TPCN1: variants seen among roughly 807,000 people sequenced by gnomAD.
The protein encoded by TPCN1 is two pore segment channel 1.
Under a neutral mutation model 108.8 loss-of-function variants are expected in TPCN1, and 52 were observed. The observed-to-expected ratio is 0.48, with a 90% CI of 0.38 to 0.60. The LOEUF (loss-of-function observed/expected upper bound fraction) is 0.60, where lower values mean the gene tolerates loss of function less well. Among genes scored for constraint, TPCN1 ranks in the 20% least tolerant of loss-of-function variants. The pLI is 0.00. For missense variants in TPCN1, 806 were observed against 1,072.8 expected (o/e 0.75, Z 3.47); for synonymous variants, 446 against 433.7 (o/e 1.03, Z -0.35).
intron 27 of TPCN1, 65 bp from the exon 28 acceptor site, chr12:113,295,895 T>C: frequency 6.7e-7 from 1 of 1,489,432 alleles, no homozygotes; most frequent in Non-Finnish European, 9.0e-7. Flanking sequence ...CTGTGTGACC[T>C]TGTGGGGTGG....
At chr12:113,236,672 G>C (rs1290875168) in intron 2 of TPCN1, among the ~76,000 whole-genome samples, 1 of 152,036 alleles carries the variant, frequency 6.6e-6, no homozygotes, top group Non-Finnish European at 1.5e-5. Context: ...CCTGGACGGG[G>C]CCAGAGACTA....
At chr12:113,249,754 C>G (rs920979014) in intron 2 of TPCN1, 1 of 152,374 alleles carries the variant, frequency 6.6e-6, no homozygotes, top group African/African-American at 2.4e-5. Flanking sequence ...GCTCTGGTTC[C>G]TGGATGGTTC....
rs184184323 is a variant in TPCN1 at position 113,288,729 on chromosome 12, C to T, written c.1707-29C>T. 5,024 of 1,609,156 alleles carry T rather than the reference C, an allele frequency of 3.1e-3. 17 individuals carry two copies. Among genetic ancestry groups the T allele is most frequent in the Non-Finnish European group, 3.9e-3 (4,634 of 1,179,596 alleles). On this transcript the variant is annotated intron_variant, in intron 20 of 27. Transcript: ENST00000335509. This position sits in a 1 kb window ranked among gnomAD's most constrained non-coding sequence, Gnocchi z 4.8. ...AGGAGCCGTTCCCTCCTGCCGGCCC[C>T]GCGTCACCCTGCCCCTGTCGCCCCA...
chr12:113,242,491 GATA>G (rs1461041131), intron 2 of TPCN1, among the ~76,000 whole-genome samples: 1 of 152,200 alleles, frequency 6.6e-6, no homozygotes, highest in Non-Finnish European at 1.5e-5. Flanking sequence ...GTAAACTGGG[GATA>G]ATAATCAAGT....
intron 10 of TPCN1, among the ~76,000 whole-genome samples, chr12:113,276,220 G>A (rs1435873961): frequency 2.0e-5 from 3 of 152,306 alleles, no homozygotes; most frequent in East Asian, 3.9e-4. Context: ...GGAAAAAATG[G>A]GGGACCAGTT....
At position 113,266,453 on chromosome 12, in the gene TPCN1, T is replaced by G; in HGVS notation, c.414+97T>G. On this transcript the variant is annotated intron_variant, in intron 4 of 27. Transcript: ENST00000335509. The surrounding 1 kb of genome is among the most constrained non-coding windows in gnomAD (Gnocchi z 4.2). ...AGGAACATTCTGGGAGGGCAAACAC[T>G]GCAAACGGACTTAAAACAGAGAGAT... 5 of 1,483,828 alleles carry G rather than the reference T, an allele frequency of 3.4e-6. No homozygotes were observed. The African/African-American group carries it at 5.5e-5, about 16-fold the overall frequency. The allele number at this position is 1,483,828 out of a possible 1,614,324, so 91.9% of individuals were successfully genotyped here.
intron 27 of TPCN1, 129 bp from the exon 28 acceptor site, chr12:113,295,831 G>A: frequency 9.4e-7 from 1 of 1,059,618 alleles, no homozygotes; most frequent in Non-Finnish European, 1.3e-6. Context: ...GGGGGTTTCA[G>A]TACCAGCTGG....
chr12:113,234,837 C>T (rs899093982), intron 2 of TPCN1, among the ~76,000 whole-genome samples: 3 of 151,992 alleles, frequency 2.0e-5, no homozygotes, highest in Non-Finnish European at 4.4e-5. Flanking sequence ...GCCAGTTTTT[C>T]AAAAGAAATT....
In TPCN1 at chr12:113,273,244, C is replaced by G; in HGVS notation, c.796C>G (p.Leu266Val). 1 of 1,614,242 alleles carries G rather than the reference C, an allele frequency of 6.2e-7. No homozygotes were observed. The highest frequency in any genetic ancestry group is 1.3e-5 in the African/African-American group (1 of 75,064). ...TCTTCCCTTGCAGTACTTCAGCACCCTGGAGAACAGCATCGTCAGTCTGTT... is the reference window on the plus strand; with the variant it reads ...TCTTCCCTTGCAGTACTTCAGCACCGTGGAGAACAGCATCGTCAGTCTGTT... Reference protein sequence around the residue: ...PNPSDPYFSTLENSIVSLFVL... With the variant: ...PNPSDPYFSTVENSIVSLFVL... The change falls in exon 9 of 28, where the codon CTG (leucine) becomes GTG (valine). Residue 266 changes from leucine to valine, a missense_variant. Physicochemically the swap from Leu to Val is conservative, Grantham distance 32. Transcript: ENST00000335509. The surrounding 1 kb of genome is among the most constrained non-coding windows in gnomAD (Gnocchi z 4.0).
chr12:113,276,182 A>G (rs953942607), intron 10 of TPCN1, among the ~76,000 whole-genome samples: 6 of 152,228 alleles, frequency 3.9e-5, no homozygotes, highest in Non-Finnish European at 7.3e-5. Context: ...CCCTTTACAG[A>G]AAAAGCATGC....
At chr12:113,257,686 T>C (rs890602252) in intron 2 of TPCN1, among the ~76,000 whole-genome samples, 8 of 152,108 alleles carry the variant, frequency 5.3e-5, no homozygotes, top group African/African-American at 1.9e-4. Context: ...AAACAAAAAG[T>C]GTACATCCAC....
At chr12:113,251,869 C>T (rs1954648501) in intron 2 of TPCN1, among the ~76,000 whole-genome samples, 1 of 152,198 alleles carries the variant, frequency 6.6e-6, no homozygotes, top group Non-Finnish European at 1.5e-5. Flanking sequence ...TGCCTCAAGG[C>T]GTCTGGGTCA....
intron 3 of TPCN1, among the ~76,000 whole-genome samples, chr12:113,264,004 T>C (rs953560652): frequency 3.3e-5 from 5 of 152,176 alleles, no homozygotes; most frequent in African/African-American, 9.7e-5. Flanking sequence ...CTGAGCCCCA[T>C]GTCAGTGGTT....
rs1472007721 is a variant in TPCN1 at position 113,272,329 on chromosome 12, C to T, written c.749-329C>T. 6.6e-6 allele frequency among the ~76,000 whole-genome samples: 1 copy of T among 152,234 alleles called. No homozygotes were observed. Among genetic ancestry groups the T allele is most frequent in the Non-Finnish European group, 1.5e-5 (1 of 68,050 alleles). On this transcript the variant is annotated intron_variant, in intron 7 of 27. Transcript: ENST00000335509. The surrounding 1 kb of genome is among the most constrained non-coding windows in gnomAD (Gnocchi z 4.1). ...GAAACAGCAGCCTGGATTCCAGATC[C>T]AGCCTACAGATGGGTTTTGTTTGGT...
intron 3 of TPCN1, among the ~76,000 whole-genome samples, chr12:113,260,694 A>G (rs944387682): frequency 6.6e-6 from 1 of 151,902 alleles, no homozygotes; most frequent in Non-Finnish European, 1.5e-5. Flanking sequence ...TTGTCTTCAG[A>G]CCCCTGTTTA....
chr12:113,231,505 G>C lies in TPCN1; in HGVS notation c.112+4541G>C, dbSNP rs1362157144. The stretch of plus-strand genomic sequence containing the variant: ...TTCTCCAAAGACAGTCACATTCTGA[G>C]CTACTGGGGGTTAGGACTTCAGCCT... On this transcript the variant is annotated intron_variant, in intron 2 of 27. Coordinates refer to ENST00000335509, the MANE Select transcript of TPCN1 (RefSeq NM_017901.6). This position sits in a 1 kb window ranked among gnomAD's most constrained non-coding sequence, Gnocchi z 4.3. Among the ~76,000 whole-genome samples the C allele has an allele frequency of 1.3e-5, 2 of 152,146 alleles. No homozygotes were observed. The highest frequency in any genetic ancestry group is 4.8e-5 in the African/African-American group (2 of 41,410).
At position 113,291,738 on chromosome 12, in the gene TPCN1, G is replaced by C. The variant is rs114319936; in HGVS notation, c.2028+61G>C. On this transcript the variant is annotated intron_variant, in intron 24 of 27. Transcript: ENST00000335509. ...GTCTTCCACATCACCAGCTGCCCCT[G>C]CTCTTCAGCCTGCAGCGTCAGGGAG... 3.3e-3 allele frequency: 5,201 copies of C among 1,590,370 alleles called. 115 individuals are homozygous for C. In the African/African-American group the frequency reaches 0.057, roughly 17 times the overall value.
rs34649612 is a variant in TPCN1, at chr12:113,288,347, C to A, written c.1706+113C>A. On this transcript the variant is annotated intron_variant, in intron 20 of 27. Transcript: ENST00000335509. The surrounding 1 kb of genome is among the most constrained non-coding windows in gnomAD (Gnocchi z 4.8). Reference sequence around the variant, plus strand: ...AAGGAGTTCCACAAAGGACTGCAATCGAGGGCCTGACGGGGCTCCAAGGAG... The same window carrying A: ...AAGGAGTTCCACAAAGGACTGCAATAGAGGGCCTGACGGGGCTCCAAGGAG... The A allele has an allele frequency of 6.5e-7, 1 of 1,542,952 alleles. No individual in the cohort carries two copies. Among genetic ancestry groups the A allele is most frequent in the South Asian group, 1.2e-5 (1 of 84,736 alleles).
In TPCN1 at chr12:113,297,333, G is replaced by A. The variant is rs1433774318; in HGVS notation, c.*1257G>A. 6.2e-6 allele frequency: 1 copy of A among 160,886 alleles called. No individual in the cohort carries two copies. Among genetic ancestry groups the A allele is most frequent in the Non-Finnish European group, 1.4e-5 (1 of 72,308 alleles). The allele number at this position is 160,886 out of a possible 1,614,324, so 10.0% of individuals were successfully genotyped here. ...GAACACAGCATAGGTTCTGCAGCAG[G>A]AGCCGCAGTGGCAGGATGGAGGGTG... On this transcript the variant is annotated 3_prime_UTR_variant, in exon 28 of 28. Transcript: ENST00000335509. This position sits in a 1 kb window ranked among gnomAD's most constrained non-coding sequence, Gnocchi z 4.4.
Sources: allele counts gnomAD v4.1 joint callset (sites outside exome capture counted in the v4.1 genomes callset), GRCh38; gene constraint gnomAD v4.1.1; non-coding constraint Gnocchi (gnomAD v3.1); transcripts MANE v1.5; gene names NCBI Gene and HGNC (gene_info 2026-07-23, HGNC 2026-07-21).